The following NME7 variants were observed in gnomAD, a reference collection of about 807,000 sequenced individuals.
NME7 encodes nucleoside diphosphate kinase 7.
Under a neutral mutation model 49.1 loss-of-function variants are expected in NME7, and 41 were observed. The ratio of observed to expected loss-of-function variants is 0.83; its 90% CI spans 0.65 to 1.08. The LOEUF is 1.08. NME7 is among the 50% of genes least tolerant of loss of function. The probability of loss-of-function intolerance (pLI) is 0.00; values close to 1 mark genes in which losing one functional copy is unlikely to be tolerated. For synonymous variants in NME7, 139 were observed against 150.6 expected, an observed-to-expected ratio of 0.92 and a Z score of 0.56; for missense variants, 423 against 463.4, an observed-to-expected ratio of 0.91 and a Z score of 0.80.
chr1:169,187,360 C>T (rs918272963), intron 10 of NME7, among the ~76,000 whole-genome samples: 1 of 151,924 alleles, frequency 6.6e-6, no homozygotes, highest in Non-Finnish European at 1.5e-5. Context: ...AAGTCTCCCA[C>T]TATTATTGTG....
At chr1:169,164,624 C>T (rs368851583) in intron 11 of NME7, among the ~76,000 whole-genome samples, 6 of 152,234 alleles carry the variant, frequency 3.9e-5, no homozygotes, top group African/African-American at 1.2e-4. Flanking sequence ...AACACACATA[C>T]GGACTGATGC....
In NME7 at chr1:169,260,849, G is replaced by C. The variant is rs1459967906; in HGVS notation, c.755-23162C>G. On this transcript the variant is annotated intron_variant, in intron 7 of 11. Coordinates refer to ENST00000367811, the MANE Select transcript of NME7 (RefSeq NM_013330.5). The stretch of plus-strand genomic sequence containing the variant: ...ATTAGTTACCATGAGTTCTAAAATG[G>C]CATGGTCCTCTAACAGACAAGTGAA... Among the ~76,000 whole-genome samples the C allele has an allele frequency of 3.7e-5, 5 of 133,488 alleles. 1 individual carries two copies. Among genetic ancestry groups the C allele is most frequent in the Admixed American group, 2.2e-4 (3 of 13,616 alleles). 87.6% of individuals were successfully genotyped at this position (133,488 alleles called of 152,430 possible).
intron 6 of NME7, among the ~76,000 whole-genome samples, chr1:169,292,153 T>C (rs549969478): frequency 1.3e-5 from 2 of 152,186 alleles, no homozygotes; most frequent in African/African-American, 4.8e-5. Context: ...CAAATTGTGA[T>C]CATACCTTGC....
intron 7 of NME7, among the ~76,000 whole-genome samples, chr1:169,247,234 T>C (rs1293554213): frequency 6.6e-6 from 1 of 152,244 alleles, no homozygotes; most frequent in African/African-American, 2.4e-5. Flanking sequence ...ATAGGTCATA[T>C]GAAGTCTAAA....
At chr1:169,361,609 G>A (rs1017766375) in intron 1 of NME7, among the ~76,000 whole-genome samples, 9 of 152,116 alleles carry the variant, frequency 5.9e-5, no homozygotes, top group East Asian at 5.8e-4. Flanking sequence ...GCGAAACCCC[G>A]TCTCTACTAA....
intron 7 of NME7, among the ~76,000 whole-genome samples, chr1:169,269,144 T>G (rs190741771): frequency 7.5e-6 from 1 of 133,512 alleles, no homozygotes; most frequent in East Asian, 2.0e-4. Flanking sequence ...ACTCTTGAGA[T>G]TCCTTCTAAA....
chr1:169,205,116 T>C (rs1006587739), intron 10 of NME7, among the ~76,000 whole-genome samples: 1 of 152,170 alleles, frequency 6.6e-6, no homozygotes, highest in Non-Finnish European at 1.5e-5. Flanking sequence ...TTCTTTAGGA[T>C]AAACTGACAA....
chr1:169,242,944 CT>C (rs1352193622), intron 7 of NME7, among the ~76,000 whole-genome samples: 1 of 151,954 alleles, frequency 6.6e-6, no homozygotes, highest in Admixed American at 6.6e-5. Flanking sequence ...TCAGGGAATA[CT>C]TCACACAATA....
At chr1:169,263,791 A>G (rs1309969906) in intron 7 of NME7, among the ~76,000 whole-genome samples, 2 of 133,020 alleles carry the variant, frequency 1.5e-5, no homozygotes, top group Non-Finnish European at 3.5e-5. Flanking sequence ...CCCAAGACAC[A>G]TAATCATCAA....
chr1:169,241,403 T>A (rs912718994), intron 7 of NME7, among the ~76,000 whole-genome samples: 1 of 152,032 alleles, frequency 6.6e-6, no homozygotes, highest in Non-Finnish European at 1.5e-5. Context: ...CAATTAAGTA[T>A]GAAATCAGCT....
intron 10 of NME7, among the ~76,000 whole-genome samples, chr1:169,222,960 C>T (rs1661189841): frequency 6.6e-6 from 1 of 152,176 alleles, no homozygotes; most frequent in African/African-American, 2.4e-5. Flanking sequence ...AGTCTTCATA[C>T]TTAGACCCTG....
At chr1:169,336,850 G>C (rs1382831505) in intron 1 of NME7, among the ~76,000 whole-genome samples, 3 of 151,392 alleles carry the variant, frequency 2.0e-5, no homozygotes, top group Admixed American at 1.3e-4. Context: ...ACAGAGTGTC[G>C]ATTGGTGCAC....
intron 10 of NME7, among the ~76,000 whole-genome samples, chr1:169,223,560 A>T (rs576493518): frequency 9.2e-5 from 14 of 152,264 alleles, no homozygotes; most frequent in African/African-American, 3.4e-4. Flanking sequence ...GAACCCCTTC[A>T]AGCTGGCTTC....
intron 7 of NME7, among the ~76,000 whole-genome samples, chr1:169,264,881 A>C (rs1649271541): frequency 7.5e-6 from 1 of 133,910 alleles, no homozygotes; most frequent in South Asian, 2.3e-4. Flanking sequence ...TAATTTATAA[A>C]GGAAAGAAGT....
intron 4 of NME7, among the ~76,000 whole-genome samples, chr1:169,307,741 C>T (rs916134989): frequency 6.6e-6 from 1 of 152,106 alleles, no homozygotes; most frequent in African/African-American, 2.4e-5. Context: ...CATTTTAAGC[C>T]AGGCGCGGTG....
intron 1 of NME7, 29 bp from the exon 2 acceptor site, chr1:169,324,529 A>G (rs763438110): frequency 7.4e-7 from 1 of 1,355,780 alleles, no homozygotes; most frequent in South Asian, 1.2e-5. Flanking sequence ...GAATTTTAAC[A>G]CTAACATATA....
At chr1:169,358,378 C>T (rs913099104) in intron 1 of NME7, among the ~76,000 whole-genome samples, 1 of 151,914 alleles carries the variant, frequency 6.6e-6, no homozygotes, top group Non-Finnish European at 1.5e-5. Flanking sequence ...TTACATAACA[C>T]ACAGCTCATA....
chr1:169,363,360 C>T (rs997621966), intron 1 of NME7, among the ~76,000 whole-genome samples: 2 of 152,166 alleles, frequency 1.3e-5, no homozygotes, highest in African/African-American at 2.4e-5. Context: ...TATTTTACAT[C>T]AGAATCCAGT....
intron 3 of NME7, among the ~76,000 whole-genome samples, chr1:169,310,479 TATG>T (rs1350192988): frequency 3.3e-5 from 5 of 152,224 alleles, no homozygotes; most frequent in African/African-American, 1.2e-4. Flanking sequence ...TCAACATATG[TATG>T]CTATATAGTC....
Sources: allele counts gnomAD v4.1 joint callset (sites outside exome capture counted in the v4.1 genomes callset), GRCh38; gene constraint gnomAD v4.1.1; transcripts MANE v1.5; gene names NCBI Gene and HGNC (gene_info 2026-07-23, HGNC 2026-07-21).